The following RARS1 variants were observed in gnomAD, a reference collection of about 807,000 sequenced individuals.
RARS1 encodes the protein arginyl-tRNA synthetase 1, also known as arginine--tRNA ligase, cytoplasmic.
A neutral mutation model predicts 78.7 loss-of-function variants in RARS1; 75 were observed. The ratio of observed to expected loss-of-function variants is 0.95; its 90% confidence interval spans 0.79 to 1.15. The LOEUF (loss-of-function observed/expected upper bound fraction) is 1.15. Ranked by LOEUF, RARS1 falls within the 50% of genes most tolerant of loss-of-function variation. RARS1 has a pLI of 0.00. For missense variants in RARS1, 787 were observed against 787.5 expected (o/e 1.00, Z 0.01); for synonymous variants, 273 against 268.2 (o/e 1.02, Z -0.18).
intron 12 of RARS1, among the ~76,000 whole-genome samples, chr5:168,513,669 AAG>A (rs373748019): frequency 8.6e-5 from 13 of 150,984 alleles, no homozygotes; most frequent in African/African-American, 3.1e-4. Flanking sequence ...TTCTCTTGTG[AAG>A]AGTCTGTTAA....
At chr5:168,495,573 C>G in intron 6 of RARS1, 137 bp downstream of exon 6, 1 of 1,322,166 alleles carries the variant, frequency 7.6e-7, no homozygotes, top group East Asian at 2.6e-5. Context: ...TTCTTTACAA[C>G]CACCCAGTAA....
chr5:168,497,298 G>A lies in RARS1; in HGVS notation c.772G>A (p.Asp258Asn), dbSNP rs1402982962. ...LIAHLQDKFP[D>N]YLTVSPPIGD... ...CGCTCACCTGCAAGACAAATTTCCA[G>A]ATTATCTAACAGTTTCACCTCCTAT... The change falls in exon 7 of 15, where the codon GAT becomes AAT. Residue 258 changes from aspartate (D) to asparagine (N), a missense_variant. Asp to Asn is a conservative substitution (Grantham distance 23). Coordinates refer to ENST00000231572, the MANE Select transcript of RARS1 (RefSeq NM_002887.4). 2 of 1,592,716 alleles carry A rather than the reference G, an allele frequency of 1.3e-6. No homozygotes were observed. The highest frequency in any genetic ancestry group is 1.2e-5 in the South Asian group (1 of 86,026).
intron 9 of RARS1, among the ~76,000 whole-genome samples, chr5:168,503,971 G>A (rs4976560): frequency 0.13 from 19,758 of 151,346 alleles, 1,714 homozygotes; most frequent in Non-Finnish European, 0.19. Flanking sequence ...TGTAGTTCTA[G>A]CTATGCTTGA....
rs1193127913 is a variant in RARS1, at chr5:168,517,975, ACT to A, written c.1791_1792del (p.Cys598Ter). On this transcript the variant is annotated frameshift_variant, in exon 14 of 15. Coordinates refer to ENST00000231572, the MANE Select transcript of RARS1 (RefSeq NM_002887.4). LOFTEE classifies it high-confidence loss of function. ...GATTTTAGATGACTTATTTCTCCAC[ACT>A]CTCTGTGATTATATATATGAGCTGG... ...QKILDDLFLH[T>X]LCDYIYELAT... The A allele has an allele frequency of 6.2e-7, 1 of 1,610,160 alleles. No homozygotes were observed. The highest frequency in any genetic ancestry group is 1.1e-5 in the South Asian group (1 of 90,960).
chr5:168,497,119 G>A (rs1019957392), intron 6 of RARS1, 109 bp from the exon 7 acceptor site: 12 of 860,190 alleles, frequency 1.4e-5, no homozygotes, highest in African/African-American at 5.3e-5. Context: ...AAATGGTGAT[G>A]TACTGGCATG....
intron 14 of RARS1, among the ~76,000 whole-genome samples, 184 bp from the exon 15 acceptor site, chr5:168,518,897 G>T (rs980007819): frequency 3.9e-5 from 6 of 152,124 alleles, no homozygotes; most frequent in African/African-American, 1.4e-4. Context: ...TAACAGAAAT[G>T]CCTTTATTTT....
chr5:168,490,973 C>A (rs1225757448), intron 2 of RARS1, among the ~76,000 whole-genome samples: 2 of 151,912 alleles, frequency 1.3e-5, no homozygotes, highest in African/African-American at 4.8e-5. Flanking sequence ...CCTGTCTCTA[C>A]TAAAAATACA....
chr5:168,516,030 CT>C (rs796266308), intron 12 of RARS1, among the ~76,000 whole-genome samples: 9 of 152,180 alleles, frequency 5.9e-5, no homozygotes, highest in African/African-American at 2.2e-4. Context: ...GTTCTGTCCC[CT>C]TTGTCCACTA....
chr5:168,495,110 T>G (rs1181585390), intron 5 of RARS1: 2 of 857,708 alleles, frequency 2.3e-6, no homozygotes, highest in Non-Finnish European at 3.2e-6. Flanking sequence ...TTGATTCTTT[T>G]TCAGTTAAAA....
chr5:168,492,758 G>C lies in RARS1; in HGVS notation c.280G>C (p.Asp94His). The C allele has an allele frequency of 6.2e-7, 1 of 1,613,820 alleles. No homozygotes were observed. The highest frequency in any genetic ancestry group is 8.5e-7 in the Non-Finnish European group (1 of 1,179,684). ...FGHAIKAAYP[D>H]LENPPLLVTP... ...TCATGCAATTAAGGCTGCATATCCA[G>C]ATTTGGAAAATCCTCCTCTGCTAGT... Residue 94 changes from aspartate to histidine, a missense_variant, in exon 3 of 15, where the codon GAT becomes CAT. Coordinates refer to ENST00000231572, the MANE Select transcript of RARS1 (RefSeq NM_002887.4).
rs1758435920 is a variant in RARS1 at position 168,505,945 on chromosome 5, A to G, written c.1058-76A>G. ...ATTCTTAGAATAACTAAATATTTAC[A>G]TAGTAGAATGAGTAAGCATTCATTT... On this transcript the variant is annotated intron_variant, in intron 9 of 14. Coordinates refer to ENST00000231572, the MANE Select transcript of RARS1 (RefSeq NM_002887.4). 10 of 1,123,606 alleles carry G rather than the reference A, an allele frequency of 8.9e-6. No homozygotes were observed. The South Asian group carries it at 1.4e-4, about 16-fold the overall frequency. 69.6% of individuals were successfully genotyped at this position (1,123,606 alleles called of 1,614,324 possible).
rs1758543545 is a variant in RARS1 at position 168,510,560 on chromosome 5, TG to T, written c.1347-16del. On this transcript the variant is annotated intron_variant, in intron 11 of 14. Coordinates refer to ENST00000231572, the MANE Select transcript of RARS1 (RefSeq NM_002887.4). ...TGAAAAGTCTGTTTCAAAATCTGAT[TG>T]GGGGTTTTACATTTTTTAGGAAAAA... The T allele has an allele frequency of 3.2e-6, 5 of 1,561,626 alleles. No homozygotes were observed. The highest frequency in any genetic ancestry group is 1.8e-5 in the Admixed American group (1 of 55,224).
At chr5:168,486,624 G>A (rs1490106435) in intron 1 of RARS1, 81 bp downstream of exon 1, 3 of 1,448,224 alleles carry the variant, frequency 2.1e-6, no homozygotes, top group Non-Finnish European at 2.8e-6. Context: ...TTCGGGGGCG[G>A]GACAGCTAGG....
intron 4 of RARS1, 94 bp downstream of exon 4, chr5:168,494,096 C>A: frequency 7.6e-7 from 1 of 1,322,988 alleles, no homozygotes; most frequent in Non-Finnish European, 1.0e-6. Context: ...CAGGGTTAAA[C>A]TTTGTATACT....
At chr5:168,490,823 G>A (rs1305908807) in intron 2 of RARS1, among the ~76,000 whole-genome samples, 1 of 152,108 alleles carries the variant, frequency 6.6e-6, no homozygotes. Flanking sequence ...TGTACATGGT[G>A]GTACTCCTAT....
chr5:168,509,254 A>G (rs1257802493), intron 11 of RARS1, among the ~76,000 whole-genome samples: 1 of 152,224 alleles, frequency 6.6e-6, no homozygotes, highest in Non-Finnish European at 1.5e-5. Flanking sequence ...ATGGAAATAT[A>G]TAATGTATTT....
Position 168,486,923 on chromosome 5 carries a change from G to A in RARS1, c.45+380G>A, listed in dbSNP as rs578132943. On this transcript the variant is annotated intron_variant, in intron 1 of 14. Transcript: ENST00000231572. The stretch of plus-strand genomic sequence containing the variant: ...AGGGGGGAATACATTCAGAGCTCTG[G>A]GTCTTGGTTTGCAGCTCAGCCGCAG... Among the ~76,000 whole-genome samples the A allele has an allele frequency of 2.6e-5, 4 of 152,266 alleles. No homozygotes were observed. The East Asian group carries it at 7.7e-4, about 29-fold the overall frequency.
chr5:168,518,152 T>G, intron 14 of RARS1, 90 bp downstream of exon 14: 1 of 1,334,286 alleles, frequency 7.5e-7, no homozygotes, highest in South Asian at 1.8e-5. Context: ...GGTGAAATCA[T>G]AGGTCACTGA....
Position 168,492,653 on chromosome 5 carries a change from C to A in RARS1, c.181-6C>A. ...TTATTGACATGTTTCCATTCTTTTC[C>A]TACAGAGTCTTCAGGCAGAAAGGAA... On this transcript the variant is annotated splice_region_variant and splice_polypyrimidine_tract_variant and intron_variant, in intron 2 of 14. Coordinates refer to ENST00000231572, the MANE Select transcript of RARS1 (RefSeq NM_002887.4). The A allele has an allele frequency of 6.4e-7, 1 of 1,573,942 alleles. No homozygotes were observed. The highest frequency in any genetic ancestry group is 8.7e-7 in the Non-Finnish European group (1 of 1,146,452).
Sources: gnomAD v4.1 joint callset for allele counts (sites outside exome capture counted in the v4.1 genomes callset) on GRCh38, gnomAD v4.1.1 for gene constraint, MANE v1.5 for transcripts, NCBI Gene and HGNC (gene_info 2026-07-23, HGNC 2026-07-21) for gene names.